ZNF66: variants seen among roughly 807,000 people sequenced by gnomAD.
ZNF66 encodes zinc finger protein 66.
ZNF66 carries 32 observed loss-of-function variants against 35.2 expected under a neutral mutation model. That is an observed-to-expected ratio of 0.91 (90% CI 0.69 to 1.22). The LOEUF (loss-of-function observed/expected upper bound fraction) is 1.22, where lower values mean the gene tolerates loss of function less well. Ranked by LOEUF, ZNF66 falls within the 50% of genes most tolerant of loss-of-function variation. ZNF66 has a pLI of 0.00. For missense variants in ZNF66, 666 were observed against 543.1 expected (o/e 1.23, Z -2.25); for synonymous variants, 231 against 181.3 (o/e 1.27, Z -2.20).
chr19:20,777,964 G>T (rs1164322198), intron 1 of ZNF66, among the ~76,000 whole-genome samples: 1 of 152,160 alleles, frequency 6.6e-6, no homozygotes, highest in Non-Finnish European at 1.5e-5. Context: ...CAACACATTA[G>T]TTCCTCTTTT....
At chr19:20,800,111 G>A (rs2144911480) in intron 3 of ZNF66, among the ~76,000 whole-genome samples, 1 of 152,200 alleles carries the variant, frequency 6.6e-6, no homozygotes, top group East Asian at 1.9e-4. Context: ...CAGCCTCCTG[G>A]GCTCAAGTGA....
rs762675958 is a variant in ZNF66, at chr19:20,793,895, A to G, written c.226+17A>G. 2.8e-6 allele frequency: 3 copies of G among 1,069,852 alleles called. No individual in the cohort carries two copies. Among genetic ancestry groups the G allele is most frequent in the African/African-American group, 3.3e-5 (2 of 60,728 alleles). The allele number at this position is 1,069,852 out of a possible 1,614,324, so 66.3% of individuals were successfully genotyped here. ...ACCCCTCAGGTAGGTGTGAGTGAAA[A>G]TGAATACAACAGACAACACAGTAAG... On this transcript the variant is annotated intron_variant, in intron 3 of 3. Coordinates refer to ENST00000344519, the MANE Select transcript of ZNF66 (RefSeq NM_001355197.2).
At chr19:20,797,381 T>G (rs1422932009) in intron 3 of ZNF66, among the ~76,000 whole-genome samples, 1 of 139,380 alleles carries the variant, frequency 7.2e-6, no homozygotes, top group Non-Finnish European at 1.6e-5. Flanking sequence ...TAATTTTTTG[T>G]ATTTTTAGTA....
intron 1 of ZNF66, among the ~76,000 whole-genome samples, chr19:20,776,700 T>C (rs1971198059): frequency 6.6e-6 from 1 of 152,166 alleles, no homozygotes; most frequent in Admixed American, 6.5e-5. Flanking sequence ...GTGCCGTGTC[T>C]CTCCCAGATT....
At position 20,808,135 on chromosome 19, in the gene ZNF66, C is replaced by T. The variant is rs1053701065; in HGVS notation, c.*813C>T. On this transcript the variant is annotated 3_prime_UTR_variant, in exon 4 of 4. Transcript: ENST00000344519. ...AGCACAGCAGTCTGAGATCAAACTG[C>T]AAGGCAGCAGCGAGGCTGGGGGAGG... Among the ~76,000 whole-genome samples the T allele has an allele frequency of 3.3e-5, 5 of 152,176 alleles. No homozygotes were observed. The highest frequency in any genetic ancestry group is 9.6e-5 in the African/African-American group (4 of 41,454).
Position 20,778,782 on chromosome 19 carries a change from CAA to C in ZNF66, c.3+2349_3+2350del, listed in dbSNP as rs561812056. Among the ~76,000 whole-genome samples, 552 of 85,350 alleles carry C rather than the reference CAA, an allele frequency of 6.5e-3. 2 individuals are homozygous for C. The highest frequency in any genetic ancestry group is 0.022 in the African/African-American group (518 of 23,408). The allele number at this position is 85,350 out of a possible 152,430, so 56.0% of individuals were successfully genotyped here. ...TGGGCCACAGAGTGAGACTTCGTCT[CAA>C]AAAAAAAAAAAAAAAAGTAAGAACC... On this transcript the variant is annotated intron_variant, in intron 1 of 3. Transcript: ENST00000344519.
rs894139913 is a variant in ZNF66 at position 20,808,420 on chromosome 19, C to T, written c.*1098C>T. Among the ~76,000 whole-genome samples the T allele has an allele frequency of 4.6e-5, 7 of 152,198 alleles. No individual in the cohort carries two copies. The highest frequency in any genetic ancestry group is 5.9e-5 in the Non-Finnish European group (4 of 68,038). On this transcript the variant is annotated 3_prime_UTR_variant, in exon 4 of 4. Transcript: ENST00000344519. ...GCCTCCTCAAGTGGGTCTCTGACCC[C>T]CGAGCAGCCTAACTGGGAGGCACAC...
Position 20,807,970 on chromosome 19 carries a change from G to A in ZNF66, c.*648G>A, listed in dbSNP as rs1355509864. Reference sequence around the variant, plus strand: ...GTTCCCTTTCCTAGTCAAAGAAAGGGGTGACAGATGGCACCTGGAAAATTG... The same window carrying A: ...GTTCCCTTTCCTAGTCAAAGAAAGGAGTGACAGATGGCACCTGGAAAATTG... On this transcript the variant is annotated 3_prime_UTR_variant, in exon 4 of 4. Transcript: ENST00000344519. Among the ~76,000 whole-genome samples the A allele has an allele frequency of 1.3e-5, 2 of 151,990 alleles. No homozygotes were observed. The highest frequency in any genetic ancestry group is 1.3e-4 in the Admixed American group (2 of 15,250).
chr19:20,776,541 G>A (rs1204330669), intron 1 of ZNF66, 91 bp downstream of exon 1: 9 of 1,423,420 alleles, frequency 6.3e-6, no homozygotes, highest in African/African-American at 1.4e-5. Flanking sequence ...TCTGCACCCC[G>A]AATTCTCCTT....
rs565295799 is a variant in ZNF66, at chr19:20,807,075, G to A, written c.1475G>A (p.Cys492Tyr). The A allele has an allele frequency of 3.8e-6, 3 of 795,306 alleles. No homozygotes were observed. The highest frequency in any genetic ancestry group is 6.8e-6 in the Non-Finnish European group (3 of 442,976). The allele number at this position is 795,306 out of a possible 1,614,324, so 49.3% of individuals were successfully genotyped here. A position where few individuals can be genotyped will look rare whatever the true frequency, so the allele number is the denominator to read the frequency against. The change falls in exon 4 of 4, where the codon TGC becomes TAC. Residue 492 changes from cysteine (C) to tyrosine (Y), a missense_variant. Physicochemically the swap from Cys to Tyr is radical, Grantham distance 194. Coordinates refer to ENST00000344519, the MANE Select transcript of ZNF66 (RefSeq NM_001355197.2). ...GAAGAATGTGGCAAGGCCTTTAAGT[G>A]CTCCTCTATTCTTACTACACATAAG... ...KCEECGKAFK[C>Y]SSILTTHKRI...
chr19:20,776,814 T>G (rs538988330), intron 1 of ZNF66, among the ~76,000 whole-genome samples: 3 of 152,080 alleles, frequency 2.0e-5, no homozygotes, highest in Non-Finnish European at 2.9e-5. Flanking sequence ...TTCTCTTTTC[T>G]GCTATTAAAA....
At chr19:20,779,201 T>C (rs1971222894) in intron 1 of ZNF66, among the ~76,000 whole-genome samples, 1 of 98,712 alleles carries the variant, frequency 1.0e-5, no homozygotes, top group Non-Finnish European at 2.2e-5. Context: ...ATAAAAACAT[T>C]AGATTTATGT....
chr19:20,792,972 C>CA (rs1971352514), intron 2 of ZNF66, among the ~76,000 whole-genome samples: 1 of 151,268 alleles, frequency 6.6e-6, no homozygotes, highest in South Asian at 2.1e-4. Context: ...GAGGGTGAGG[C>CA]AGGAGAATCA....
intron 2 of ZNF66, among the ~76,000 whole-genome samples, chr19:20,793,514 G>A (rs1484964577): frequency 6.6e-6 from 1 of 151,336 alleles, no homozygotes; most frequent in Admixed American, 6.6e-5. Flanking sequence ...GTAGAGATGG[G>A]GTTTCACCAT....
chr19:20,809,377 G>C lies in ZNF66; in HGVS notation c.*2055G>C, dbSNP rs568332612. On this transcript the variant is annotated 3_prime_UTR_variant, in exon 4 of 4. Coordinates refer to ENST00000344519, the MANE Select transcript of ZNF66 (RefSeq NM_001355197.2). ...AAGAGCAACTCCAAGACACATAATT[G>C]TCAGATTCACCAAAGTTGAAATGAA... Among the ~76,000 whole-genome samples, 2 of 151,942 alleles carry C rather than the reference G, an allele frequency of 1.3e-5. No individual in the cohort carries two copies. Among genetic ancestry groups the C allele is most frequent in the Admixed American group, 6.6e-5 (1 of 15,236 alleles).
chr19:20,797,189 A>ATTTTT lies in ZNF66; in HGVS notation c.226+3343_226+3347dup, dbSNP rs142052913. 4.0e-4 allele frequency among the ~76,000 whole-genome samples: 18 copies of ATTTTT among 45,440 alleles called. 2 individuals are homozygous for ATTTTT. The highest frequency in any genetic ancestry group is 3.4e-3 in the South Asian group (3 of 884). 29.8% of individuals were successfully genotyped at this position (45,440 alleles called of 152,430 possible). A position where few individuals can be genotyped will look rare whatever the true frequency, so the allele number is the denominator to read the frequency against. On this transcript the variant is annotated intron_variant, in intron 3 of 3. Transcript: ENST00000344519. The stretch of plus-strand genomic sequence containing the variant: ...ATAATGCATCAATGTTGCATGCTAG[A>ATTTTT]TTTTTTTTTTTTTTTTTTTTTTTTT...
intron 3 of ZNF66, among the ~76,000 whole-genome samples, chr19:20,805,126 T>TGTGTGTGAGAGAGAGAGA (rs752355466): frequency 6.2e-5 from 9 of 145,982 alleles, no homozygotes; most frequent in Non-Finnish European, 1.1e-4. Context: ...TGTGTGTGTG[T>TGTGTGTGAGAGAGAGAGA]GAGAGAGAGA....
chr19:20,799,346 G>T (rs1287718178), intron 3 of ZNF66: 1 of 152,102 alleles, frequency 6.6e-6, no homozygotes, highest in South Asian at 2.1e-4. Flanking sequence ...ACAGGCTTGA[G>T]CTACTGCACC....
rs1269283994 is a variant in ZNF66, at chr19:20,776,336, T to A, written c.-112T>A. 1 of 1,463,058 alleles carries A rather than the reference T, an allele frequency of 6.8e-7. No homozygotes were observed. The highest frequency in any genetic ancestry group is 9.6e-7 in the Non-Finnish European group (1 of 1,046,250). 90.6% of individuals were successfully genotyped at this position (1,463,058 alleles called of 1,614,324 possible). On this transcript the variant is annotated 5_prime_UTR_variant, in exon 1 of 4. Transcript: ENST00000344519. ...CCTGCAGCTGGAGCTCCAGGTCGTC[T>A]GTTCACTGCTCTCTGTCTTCTTCTC...
Sources: allele counts gnomAD v4.1 joint callset (sites outside exome capture counted in the v4.1 genomes callset), GRCh38; gene constraint gnomAD v4.1.1; transcripts MANE v1.5; gene names NCBI Gene and HGNC (gene_info 2026-07-23, HGNC 2026-07-21).